ITFG1: variants seen among roughly 807,000 people sequenced by gnomAD.
The protein encoded by ITFG1 is T-cell immunomodulatory protein.
A neutral mutation model predicts 81.8 loss-of-function variants in ITFG1; 34 were observed. The observed-to-expected ratio is 0.42, with a 90% CI of 0.32 to 0.55. The LOEUF (loss-of-function observed/expected upper bound fraction) is 0.55. Among genes scored for constraint, ITFG1 ranks in the 20% least tolerant of loss-of-function variants. ITFG1 has a pLI of 0.17. For synonymous variants in ITFG1, 285 were observed against 270.6 expected (o/e 1.05, Z -0.52); for missense variants, 672 against 755.4 (o/e 0.89, Z 1.29).
At chr16:47,224,713 A>C (rs968933853) in intron 13 of ITFG1, among the ~76,000 whole-genome samples, 3 of 152,188 alleles carry the variant, frequency 2.0e-5, no homozygotes, top group Admixed American at 6.5e-5. Context: ...GGAAAAAAAA[A>C]CCAGTCAAAA....
At chr16:47,266,376 C>A (rs1027542016) in intron 10 of ITFG1, among the ~76,000 whole-genome samples, 4 of 152,134 alleles carry the variant, frequency 2.6e-5, no homozygotes, top group African/African-American at 7.2e-5. Flanking sequence ...TGCAATCATG[C>A]CCGGCTAATT....
chr16:47,310,007 T>C (rs1455432810), intron 10 of ITFG1, among the ~76,000 whole-genome samples: 1 of 152,208 alleles, frequency 6.6e-6, no homozygotes, highest in Non-Finnish European at 1.5e-5. Flanking sequence ...AACACTCACG[T>C]TCCATTCAGA....
At chr16:47,364,305 A>G (rs1968147929) in intron 8 of ITFG1, among the ~76,000 whole-genome samples, 1 of 152,222 alleles carries the variant, frequency 6.6e-6, no homozygotes, top group South Asian at 2.1e-4. Context: ...TATCTTAAAA[A>G]CACTAACATG....
intron 14 of ITFG1, among the ~76,000 whole-genome samples, chr16:47,192,493 T>C (rs1965304165): frequency 6.6e-6 from 1 of 152,182 alleles, no homozygotes; most frequent in Non-Finnish European, 1.5e-5. Context: ...TCAACTATAA[T>C]CCCTATTATT....
chr16:47,359,688 C>T (rs77254161), intron 8 of ITFG1, among the ~76,000 whole-genome samples: 4,791 of 152,250 alleles, frequency 0.031, 106 homozygotes, highest in East Asian at 0.08. Context: ...TCTTTTTGTT[C>T]CTTGAACATC....
chr16:47,452,718 C>A lies in ITFG1; in HGVS notation c.485+15G>T. On this transcript the variant is annotated intron_variant, in intron 4 of 17. Coordinates refer to ENST00000320640, the MANE Select transcript of ITFG1 (RefSeq NM_030790.5). ...AAGTTTAAAATCGTTTCAAAGGAAG[C>A]AAGCCCATACTTACTCCATAATTAG... 6.5e-7 allele frequency: 1 copy of A among 1,548,100 alleles called. No homozygotes were observed. The highest frequency in any genetic ancestry group is 2.3e-5 in the East Asian group (1 of 43,874).
At chr16:47,431,051 A>G (rs1219409889) in intron 5 of ITFG1, among the ~76,000 whole-genome samples, 2 of 152,258 alleles carry the variant, frequency 1.3e-5, no homozygotes, top group Non-Finnish European at 2.9e-5. Context: ...ATCCTTAAAA[A>G]CATACTATGT....
chr16:47,232,411 A>G (rs1214627924), intron 13 of ITFG1, among the ~76,000 whole-genome samples: 2 of 152,204 alleles, frequency 1.3e-5, no homozygotes, highest in Non-Finnish European at 2.9e-5. Flanking sequence ...AAACTGGGAA[A>G]GTAGAAAGGG....
chr16:47,348,999 C>G (rs528888815), intron 8 of ITFG1, among the ~76,000 whole-genome samples: 2 of 152,126 alleles, frequency 1.3e-5, no homozygotes, highest in Non-Finnish European at 2.9e-5. Flanking sequence ...ACTTTACAGA[C>G]AAGCAAATGC....
At chr16:47,221,828 G>A (rs1031603797) in intron 13 of ITFG1, among the ~76,000 whole-genome samples, 85 of 152,202 alleles carry the variant, frequency 5.6e-4, no homozygotes, top group African/African-American at 1.9e-3. Context: ...TGTATGTGTC[G>A]AGAAATTTAT....
chr16:47,407,651 C>G (rs370767174), intron 6 of ITFG1, among the ~76,000 whole-genome samples: 4 of 152,090 alleles, frequency 2.6e-5, no homozygotes, highest in Non-Finnish European at 5.9e-5. Context: ...CCAGCCAACT[C>G]AACATTTTGA....
intron 13 of ITFG1, among the ~76,000 whole-genome samples, chr16:47,229,932 T>C (rs1182829116): frequency 6.6e-6 from 1 of 152,216 alleles, no homozygotes; most frequent in Non-Finnish European, 1.5e-5. Flanking sequence ...GAGATAAATA[T>C]TCACATAACT....
chr16:47,288,141 C>T (rs577427461), intron 10 of ITFG1, among the ~76,000 whole-genome samples: 1 of 152,328 alleles, frequency 6.6e-6, no homozygotes, highest in East Asian at 1.9e-4. Flanking sequence ...AACAACTATT[C>T]TACTCTCTAC....
chr16:47,158,962 T>C lies in ITFG1; in HGVS notation c.1690A>G (p.Ser564Gly). 2 of 1,586,656 alleles carry C rather than the reference T, an allele frequency of 1.3e-6. No individual in the cohort carries two copies. Among genetic ancestry groups the C allele is most frequent in the Non-Finnish European group, 1.7e-6 (2 of 1,165,864 alleles). ...ATAGCAGTAAGCAGAACAATATTAC[T>C]TGGTGTAAGATACAGTTTGGCACTC... ...SWSAKLYLTP[S>G]NIVLLTAIAL... The change falls in exon 17 of 18, where the codon AGT becomes GGT. Residue 564 changes from serine (S) to glycine (G), a missense_variant. Physicochemically the swap from Ser to Gly is moderately conservative, Grantham distance 56 (BLOSUM62 0). Transcript: ENST00000320640.
At chr16:47,374,428 C>T (rs1968297982) in intron 7 of ITFG1, among the ~76,000 whole-genome samples, 1 of 152,118 alleles carries the variant, frequency 6.6e-6, no homozygotes, top group Admixed American at 6.5e-5. Context: ...AAGTTTAAAT[C>T]AGCCTAGACT....
At chr16:47,197,202 G>A (rs150714737) in intron 14 of ITFG1, among the ~76,000 whole-genome samples, 1 of 152,204 alleles carries the variant, frequency 6.6e-6, no homozygotes, top group African/African-American at 2.4e-5. Flanking sequence ...GCTTTTCTCA[G>A]ATCTAGGAGA....
chr16:47,205,134 A>G (rs556278921), intron 14 of ITFG1, among the ~76,000 whole-genome samples: 2 of 152,260 alleles, frequency 1.3e-5, no homozygotes, highest in Non-Finnish European at 2.9e-5. Flanking sequence ...CTGAATATTC[A>G]TAAGTTTATA....
At chr16:47,261,044 G>A (rs1275585224) in intron 10 of ITFG1, among the ~76,000 whole-genome samples, 1 of 152,108 alleles carries the variant, frequency 6.6e-6, no homozygotes, top group Non-Finnish European at 1.5e-5. Flanking sequence ...ACTTTTCACT[G>A]AATATCTACA....
chr16:47,452,721 G>A lies in ITFG1; in HGVS notation c.485+12C>T, dbSNP rs371489352. ...TTTAAAATCGTTTCAAAGGAAGCAAGCCCATACTTACTCCATAATTAGTGG... is the reference window on the plus strand; with the variant it reads ...TTTAAAATCGTTTCAAAGGAAGCAAACCCATACTTACTCCATAATTAGTGG... On this transcript the variant is annotated intron_variant, in intron 4 of 17. Transcript: ENST00000320640. 35 of 1,558,052 alleles carry A rather than the reference G, an allele frequency of 2.2e-5. No homozygotes were observed. The highest frequency in any genetic ancestry group is 2.8e-5 in the Non-Finnish European group (32 of 1,139,366).
Sources: gnomAD v4.1 joint callset for allele counts (sites outside exome capture counted in the v4.1 genomes callset) on GRCh38, gnomAD v4.1.1 for gene constraint, MANE v1.5 for transcripts, NCBI Gene and HGNC (gene_info 2026-07-23, HGNC 2026-07-21) for gene names.